CSMD1: variants seen among roughly 807,000 people sequenced by gnomAD.
CSMD1 encodes the protein CUB and sushi domain-containing protein 1.
CSMD1 carries 213 observed loss-of-function variants against 417.5 expected under a neutral mutation model. The observed-to-expected ratio is 0.51, with a 90% CI of 0.46 to 0.57. The LOEUF is 0.57. Ranked by LOEUF, CSMD1 falls within the 20% of genes least tolerant of loss-of-function variation. The pLI is 0.00. For synonymous variants in CSMD1, 2,862 were observed against 1,736.8 expected (o/e 1.65, Z -16.11); for missense variants, 6,923 against 4,529.7 (o/e 1.53, Z -15.17).
At chr8:4,201,892 G>A (rs1237105835) in intron 3 of CSMD1, among the ~76,000 whole-genome samples, 2 of 148,434 alleles carry the variant, frequency 1.3e-5, no homozygotes. Context: ...AATTTTGGGG[G>A]GGGGGGGCGC....
chr8:4,201,210 G>A (rs962674517), intron 3 of CSMD1, among the ~76,000 whole-genome samples: 3 of 152,110 alleles, frequency 2.0e-5, no homozygotes, highest in African/African-American at 7.2e-5. Context: ...CCAATACATG[G>A]CACAAAGAAA....
intron 2 of CSMD1, among the ~76,000 whole-genome samples, chr8:4,599,129 T>A (rs1008484556): frequency 6.6e-6 from 1 of 152,200 alleles, no homozygotes; most frequent in Non-Finnish European, 1.5e-5. Flanking sequence ...CCTTCCAGAC[T>A]AAGGTATTAA....
At chr8:4,776,681 G>A (rs930769548) in intron 1 of CSMD1, among the ~76,000 whole-genome samples, 17 of 152,160 alleles carry the variant, frequency 1.1e-4, no homozygotes, top group Non-Finnish European at 1.5e-5. Flanking sequence ...CTTTACCACA[G>A]GGAGACAACC....
chr8:3,807,659 A>C (rs749526693), intron 5 of CSMD1, among the ~76,000 whole-genome samples: 16 of 152,152 alleles, frequency 1.1e-4, no homozygotes, highest in Non-Finnish European at 1.8e-4. Flanking sequence ...GTTTTCATTC[A>C]CCTACACATC....
At position 3,018,493 on chromosome 8, in the gene CSMD1, G is replaced by A. The variant is rs764119199; in HGVS notation, c.8013C>T (p.Ser2671=). 55 of 1,611,880 alleles carry A rather than the reference G, an allele frequency of 3.4e-5. No homozygotes were observed. The highest frequency in any genetic ancestry group is 1.2e-4 in the South Asian group (11 of 90,764). ...TGAATTTACCCAGACATCGAGTTTC[G>A]CTGCCGCTCCAGAGCCCATTTGCCA... ...ECLANGLWSG[S]ETRCLAGHCG... The change falls in exon 52 of 70, where the codon AGC becomes AGT. Residue 2671 remains serine, a synonymous_variant. Transcript: ENST00000635120.
At chr8:3,915,966 A>C (rs1451106570) in intron 5 of CSMD1, among the ~76,000 whole-genome samples, 1 of 151,530 alleles carries the variant, frequency 6.6e-6, no homozygotes, top group Non-Finnish European at 1.5e-5. Context: ...AACGGACTGG[A>C]AGCATTTGAG....
In CSMD1 at chr8:3,212,052, C is replaced by T. The variant is rs566915142; in HGVS notation, c.4867+2445G>A. ...GTTTGTCTCCGTCCTGTTTTGGGGGCTGTGCAGGCACCAGGGAGACCTTGG... is the reference window on the plus strand; with the variant it reads ...GTTTGTCTCCGTCCTGTTTTGGGGGTTGTGCAGGCACCAGGGAGACCTTGG... On this transcript the variant is annotated intron_variant, in intron 30 of 69. Coordinates refer to ENST00000635120, the MANE Select transcript of CSMD1 (RefSeq NM_033225.6). Among the ~76,000 whole-genome samples the T allele has an allele frequency of 4.1e-4, 62 of 152,256 alleles. No individual in the cohort carries two copies. The South Asian group carries it at 0.012, about 28-fold the overall frequency.
intron 1 of CSMD1, among the ~76,000 whole-genome samples, chr8:4,653,768 T>C (rs780781403): frequency 2.6e-5 from 4 of 152,106 alleles, no homozygotes; most frequent in Non-Finnish European, 5.9e-5. Flanking sequence ...AACTCCAAAG[T>C]GTAGTAGATA....
In CSMD1 at chr8:3,857,619, G is replaced by A. The variant is rs186127087; in HGVS notation, c.819-103577C>T. Among the ~76,000 whole-genome samples, 432 of 152,306 alleles carry A rather than the reference G, an allele frequency of 2.8e-3. 2 individuals are homozygous for A. The highest frequency in any genetic ancestry group is 3.0e-3 in the Non-Finnish European group (205 of 68,024). On this transcript the variant is annotated intron_variant, in intron 5 of 69. Transcript: ENST00000635120. ...GAGGTTTGTGGTGGGGCCAGGTGGA[G>A]TTCACAGAGCAGAGGGTGGGGACAC...
intron 2 of CSMD1, among the ~76,000 whole-genome samples, chr8:4,535,814 T>C (rs1797075471): frequency 6.6e-6 from 1 of 152,210 alleles, no homozygotes; most frequent in Non-Finnish European, 1.5e-5. Flanking sequence ...TTTCCCTTTC[T>C]TTAAAGGAAA....
At chr8:4,647,557 C>G (rs184093913) in intron 1 of CSMD1, among the ~76,000 whole-genome samples, 1,778 of 152,102 alleles carry the variant, frequency 0.012, 41 homozygotes, top group African/African-American at 0.04. Context: ...CTCTAAGTTC[C>G]CTCCCCTCAT....
intron 4 of CSMD1, among the ~76,000 whole-genome samples, chr8:4,008,493 C>T (rs1816301023): frequency 6.7e-6 from 1 of 148,928 alleles, no homozygotes; most frequent in East Asian, 2.0e-4. Flanking sequence ...CCCTTGTTTA[C>T]ACATGATGCA....
intron 2 of CSMD1, among the ~76,000 whole-genome samples, chr8:4,507,951 G>A (rs1396288479): frequency 3.9e-5 from 6 of 152,028 alleles, no homozygotes; most frequent in Admixed American, 3.3e-4. Flanking sequence ...AGCAGGAGGG[G>A]ACCCTCATAG....
intron 1 of CSMD1, among the ~76,000 whole-genome samples, chr8:4,781,568 T>G (rs1357069732): frequency 1.3e-5 from 2 of 152,324 alleles, no homozygotes; most frequent in Middle Eastern, 3.4e-3. Context: ...TTCACTTTTG[T>G]GGGTCAATTA....
At chr8:3,601,637 G>A (rs1379729529) in intron 8 of CSMD1, among the ~76,000 whole-genome samples, 1 of 152,136 alleles carries the variant, frequency 6.6e-6, no homozygotes, top group Non-Finnish European at 1.5e-5. Flanking sequence ...GTTCAGCAGC[G>A]TCAACAAACT....
At chr8:3,016,571 T>G (rs902685661) in intron 52 of CSMD1, among the ~76,000 whole-genome samples, 2 of 152,220 alleles carry the variant, frequency 1.3e-5, no homozygotes, top group African/African-American at 2.4e-5. Context: ...TCAAAATGTT[T>G]GTGCTAAATG....
chr8:4,147,260 GC>G (rs1417123937), intron 3 of CSMD1, among the ~76,000 whole-genome samples: 2 of 152,086 alleles, frequency 1.3e-5, no homozygotes, highest in South Asian at 4.1e-4. Context: ...TCCTTCAGCG[GC>G]TCCTCCTCAC....
intron 6 of CSMD1, among the ~76,000 whole-genome samples, chr8:3,728,265 C>T (rs1802612548): frequency 2.0e-5 from 3 of 152,250 alleles, no homozygotes; most frequent in South Asian, 4.1e-4. Context: ...TCTCTCTTTG[C>T]CGCCACCATG....
chr8:3,530,792 G>C (rs529419560), intron 10 of CSMD1, among the ~76,000 whole-genome samples: 1 of 151,752 alleles, frequency 6.6e-6, no homozygotes, highest in Non-Finnish European at 1.5e-5. Flanking sequence ...GCCTCCCAAA[G>C]TGCTACTATT....
Sources: gnomAD v4.1 joint callset for allele counts (sites outside exome capture counted in the v4.1 genomes callset) on GRCh38, gnomAD v4.1.1 for gene constraint, MANE v1.5 for transcripts, NCBI Gene and HGNC (gene_info 2026-07-23, HGNC 2026-07-21) for gene names.